PLAG1: variants seen among roughly 807,000 people sequenced by gnomAD.
PLAG1 encodes the protein PLAG1 zinc finger.
In PLAG1, 7 loss-of-function variants were observed where a neutral mutation model predicts 35.5. That is an observed-to-expected ratio of 0.20 (90% CI 0.11 to 0.37). The LOEUF (loss-of-function observed/expected upper bound fraction) is 0.37. Ranked by LOEUF, PLAG1 falls within the 10% of genes least tolerant of loss-of-function variation. The pLI, the probability that PLAG1 is intolerant of heterozygous loss-of-function variation, is 1.00. For missense variants in PLAG1, 454 were observed against 602.8 expected, an observed-to-expected ratio of 0.75 and a Z score of 2.58; for synonymous variants, 229 against 225.4, an observed-to-expected ratio of 1.02 and a Z score of -0.14.
intron 1 of PLAG1, among the ~76,000 whole-genome samples, chr8:56,194,254 T>C (rs1585813360): frequency 6.7e-6 from 1 of 149,594 alleles, no homozygotes; most frequent in South Asian, 2.1e-4. Flanking sequence ...GATGCGGAGG[T>C]TGCAGTAAGC....
chr8:56,199,520 A>AT (rs927251724), intron 1 of PLAG1, among the ~76,000 whole-genome samples: 8 of 152,148 alleles, frequency 5.3e-5, no homozygotes, highest in African/African-American at 1.9e-4. Flanking sequence ...GGTGTATTTT[A>AT]TTTTTTTGAT....
rs1167225564 is a variant in PLAG1 at position 56,166,546 on chromosome 8, T to C, written c.1200A>G (p.Leu400=). 2 of 1,613,896 alleles carry C rather than the reference T, an allele frequency of 1.2e-6. No homozygotes were observed. Among genetic ancestry groups the C allele is most frequent in the South Asian group, 1.1e-5 (1 of 91,060 alleles). Residue 400 remains leucine, a synonymous_variant, in exon 5 of 5, where the codon CTA becomes CTG. Transcript: ENST00000316981. ...CACTGATGGAGATAGAGCTTTTGGA[T>C]AGGGAGAGGTCTCCTGCACCATCAT... The part of the protein sequence containing the change: ...SLDDGAGDLS[L]SKSSISISDP...
intron 1 of PLAG1, among the ~76,000 whole-genome samples, chr8:56,183,713 G>T (rs1196419474): frequency 6.6e-6 from 1 of 151,908 alleles, no homozygotes; most frequent in Non-Finnish European, 1.5e-5. Flanking sequence ...TTTATAATCA[G>T]AAAAAATTAT....
chr8:56,185,318 A>T (rs1387288791), intron 1 of PLAG1, among the ~76,000 whole-genome samples: 1 of 152,202 alleles, frequency 6.6e-6, no homozygotes, highest in African/African-American at 2.4e-5. Flanking sequence ...ATGCATATAT[A>T]TGTGAAAACT....
chr8:56,168,063 G>A lies in PLAG1; in HGVS notation c.207C>T (p.Cys69=), dbSNP rs746760863. The part of the protein sequence containing the change: ...ERPYKCIQQD[C]TKAFVSKYKL... ...TGTACTTAGAAACAAAGGCCTTGGT[G>A]CAGTCTTGTTGTATGCACTTGTAGG... is the stretch of plus-strand genomic sequence containing the variant. The change falls in exon 4 of 5, where the codon TGC becomes TGT. Residue 69 remains cysteine (C), a synonymous_variant. Coordinates refer to ENST00000316981, the MANE Select transcript of PLAG1 (RefSeq NM_002655.3). The A allele has an allele frequency of 3.7e-6, 6 of 1,603,184 alleles. No individual in the cohort carries two copies. The African/African-American group carries it at 5.4e-5, about 14-fold the overall frequency.
At chr8:56,177,425 A>AT (rs540724427) in intron 2 of PLAG1, among the ~76,000 whole-genome samples, 31 of 152,212 alleles carry the variant, frequency 2.0e-4, no homozygotes, top group African/African-American at 7.2e-4. Flanking sequence ...AGAGGACCCC[A>AT]TGTACTCTCC....
At chr8:56,200,030 G>A (rs891427944) in intron 1 of PLAG1, among the ~76,000 whole-genome samples, 1 of 152,084 alleles carries the variant, frequency 6.6e-6, no homozygotes, top group African/African-American at 2.4e-5. Flanking sequence ...ATGCCTCCTG[G>A]CCTGTCTCCC....
At position 56,163,282 on chromosome 8, in the gene PLAG1, G is replaced by C. The variant is rs1377265779; in HGVS notation, c.*2961C>G. On this transcript the variant is annotated 3_prime_UTR_variant, in exon 5 of 5. Coordinates refer to ENST00000316981, the MANE Select transcript of PLAG1 (RefSeq NM_002655.3). ...AGAAATTTCAAGGATAATGATTCTG[G>C]CCACTAGAGAATGAAAACAGCATTG... is the stretch of plus-strand genomic sequence containing the variant. 6.5e-6 allele frequency: 1 copy of C among 153,952 alleles called. No homozygotes were observed. 9.5% of individuals were successfully genotyped at this position (153,952 alleles called of 1,614,324 possible).
chr8:56,161,593 T>C lies in PLAG1; in HGVS notation c.*4650A>G, dbSNP rs923756714. ...AAAGCTGGGTTTGTTCTGGTAACAT[T>C]TGCATGTCCGAGATCTCCTTTTGCA... On this transcript the variant is annotated 3_prime_UTR_variant, in exon 5 of 5. Transcript: ENST00000316981. 11 of 228,770 alleles carry C rather than the reference T, an allele frequency of 4.8e-5. No individual in the cohort carries two copies. Among genetic ancestry groups the C allele is most frequent in the African/African-American group, 1.3e-4 (6 of 45,046 alleles). 14.2% of individuals were successfully genotyped at this position (228,770 alleles called of 1,614,324 possible). A position where few individuals can be genotyped will look rare whatever the true frequency, so the allele number is the denominator to read the frequency against.
At chr8:56,176,234 T>A (rs1563378410) in intron 2 of PLAG1, among the ~76,000 whole-genome samples, 1 of 151,954 alleles carries the variant, frequency 6.6e-6, no homozygotes, top group Non-Finnish European at 1.5e-5. Context: ...TTATCTTTAG[T>A]AGAGATGGGG....
At chr8:56,208,106 A>G (rs1812747682) in intron 1 of PLAG1, among the ~76,000 whole-genome samples, 1 of 152,164 alleles carries the variant, frequency 6.6e-6, no homozygotes, top group Non-Finnish European at 1.5e-5. Context: ...TGATATTAGT[A>G]TCTGGTTTGT....
chr8:56,163,449 A>G lies in PLAG1; in HGVS notation c.*2794T>C, dbSNP rs1811265733. 1 of 198,912 alleles carries G rather than the reference A, an allele frequency of 5.0e-6. No individual in the cohort carries two copies. Among genetic ancestry groups the G allele is most frequent in the East Asian group, 7.7e-5 (1 of 12,970 alleles). The allele number at this position is 198,912 out of a possible 1,614,324, so 12.3% of individuals were successfully genotyped here. Reference sequence around the variant, plus strand: ...CGAGTCTGCCTCATCTTTAATAGAAATTCTCTCAAAAAGGGTTTAGTGACC... The same window carrying G: ...CGAGTCTGCCTCATCTTTAATAGAAGTTCTCTCAAAAAGGGTTTAGTGACC... On this transcript the variant is annotated 3_prime_UTR_variant, in exon 5 of 5. Coordinates refer to ENST00000316981, the MANE Select transcript of PLAG1 (RefSeq NM_002655.3).
At chr8:56,197,107 G>A (rs931520987) in intron 1 of PLAG1, among the ~76,000 whole-genome samples, 20 of 151,840 alleles carry the variant, frequency 1.3e-4, no homozygotes, top group Admixed American at 1.2e-3. Flanking sequence ...CCTCGCTGGG[G>A]GTCTTTCTCT....
rs900759805 is a variant in PLAG1 at position 56,163,583 on chromosome 8, A to C, written c.*2660T>G. The C allele has an allele frequency of 5.0e-6, 1 of 198,320 alleles. No homozygotes were observed. The highest frequency in any genetic ancestry group is 1.0e-5 in the Non-Finnish European group (1 of 95,670). 12.3% of individuals were successfully genotyped at this position (198,320 alleles called of 1,614,324 possible). On this transcript the variant is annotated 3_prime_UTR_variant, in exon 5 of 5. Transcript: ENST00000316981. ...AAGAGGTGTACACATGAAAATTAAG[A>C]CTCCAAAATTTTAACACTGGTGCCC... is the stretch of plus-strand genomic sequence containing the variant.
At chr8:56,198,233 C>T (rs1812440803) in intron 1 of PLAG1, among the ~76,000 whole-genome samples, 1 of 152,228 alleles carries the variant, frequency 6.6e-6, no homozygotes, top group South Asian at 2.1e-4. Context: ...TCCTTGCCCT[C>T]CAAGGCTCAG....
At chr8:56,193,407 A>G (rs1249597884) in intron 1 of PLAG1, among the ~76,000 whole-genome samples, 1 of 152,230 alleles carries the variant, frequency 6.6e-6, no homozygotes, top group Non-Finnish European at 1.5e-5. Flanking sequence ...TTCACCCTAC[A>G]CAGTAAACCT....
At chr8:56,169,832 C>T (rs554489898) in intron 3 of PLAG1, among the ~76,000 whole-genome samples, 2 of 152,308 alleles carry the variant, frequency 1.3e-5, no homozygotes, top group South Asian at 2.1e-4. Context: ...GCGTGAGCCG[C>T]CACACCTGGC....
At chr8:56,207,955 T>A (rs1457262948) in intron 1 of PLAG1, among the ~76,000 whole-genome samples, 2 of 151,972 alleles carry the variant, frequency 1.3e-5, no homozygotes, top group African/African-American at 4.8e-5. Context: ...CCACCCTATA[T>A]GAGAGGAAGA....
Position 56,168,174 on chromosome 8 carries a change from T to C in PLAG1, c.96A>G (p.Lys32=). 5.0e-6 allele frequency: 8 copies of C among 1,613,938 alleles called. No individual in the cohort carries two copies. Among genetic ancestry groups the C allele is most frequent in the Non-Finnish European group, 6.8e-6 (8 of 1,179,880 alleles). ...TGTCACACAGTTGGCAAGGAAAGTTTTTTCTTGGTTTGGTTTCACCACGCT... is the reference window on the plus strand; with the variant it reads ...TGTCACACAGTTGGCAAGGAAAGTTCTTTCTTGGTTTGGTTTCACCACGCT... ...KRKRGETKPR[K]NFPCQLCDKA... The change falls in exon 4 of 5, where the codon AAA becomes AAG. Residue 32 remains lysine, a synonymous_variant. Coordinates refer to ENST00000316981, the MANE Select transcript of PLAG1 (RefSeq NM_002655.3).
Sources: gnomAD v4.1 joint callset for allele counts (sites outside exome capture counted in the v4.1 genomes callset) on GRCh38, gnomAD v4.1.1 for gene constraint, MANE v1.5 for transcripts, NCBI Gene and HGNC (gene_info 2026-07-23, HGNC 2026-07-21) for gene names.